DTNA: variants seen among roughly 807,000 people sequenced by gnomAD.
The protein encoded by DTNA is dystrobrevin alpha.
Under a neutral mutation model 100.7 loss-of-function variants are expected in DTNA, and 43 were observed. The ratio of observed to expected loss-of-function variants is 0.43; its 90% CI spans 0.33 to 0.55. The LOEUF is 0.55. DTNA is among the 20% of genes least tolerant of loss of function. DTNA has a pLI of 0.04. For missense variants in DTNA, 798 were observed against 953.9 expected (o/e 0.84, Z 2.15); for synonymous variants, 349 against 347.9 (o/e 1.00, Z -0.04).
chr18:34,775,740 T>C (rs1196876232), intron 3 of DTNA, among the ~76,000 whole-genome samples: 1 of 152,208 alleles, frequency 6.6e-6, no homozygotes, highest in Non-Finnish European at 1.5e-5. Flanking sequence ...GTATTTTTTT[T>C]CCTCAGAGCT....
chr18:34,752,250 G>T (rs1488675497), intron 1 of DTNA, among the ~76,000 whole-genome samples: 1 of 152,162 alleles, frequency 6.6e-6, no homozygotes, highest in Admixed American at 6.5e-5. Context: ...AGCTGTTGTT[G>T]TACTGAAATT....
At chr18:34,870,110 C>T (rs1247524516) in intron 17 of DTNA, among the ~76,000 whole-genome samples, 2 of 152,164 alleles carry the variant, frequency 1.3e-5, no homozygotes, top group African/African-American at 4.8e-5. Flanking sequence ...TTTTAAACTA[C>T]ATTTTAAACT....
intron 14 of DTNA, among the ~76,000 whole-genome samples, chr18:34,850,784 CAAAT>C (rs1479722172): frequency 6.6e-6 from 1 of 151,958 alleles, no homozygotes; most frequent in Non-Finnish European, 1.5e-5. Context: ...AAAACAACAC[CAAAT>C]AAATCCTTGA....
At position 34,812,004 on chromosome 18, in the gene DTNA, G is replaced by C; in HGVS notation, c.494G>C (p.Gly165Ala). 6.2e-7 allele frequency: 1 copy of C among 1,614,014 alleles called. No homozygotes were observed. The highest frequency in any genetic ancestry group is 8.5e-7 in the Non-Finnish European group (1 of 1,179,968). ...ISDSSGVMVYGRYDQFLREVL... is the reference protein window; with the variant it reads ...ISDSSGVMVYARYDQFLREVL... Reference sequence around the variant, plus strand: ...GACTCCAGTGGGGTGATGGTTTATGGACGATATGACCAATTCCTTCGGGAA... The same window carrying C: ...GACTCCAGTGGGGTGATGGTTTATGCACGATATGACCAATTCCTTCGGGAA... The change falls in exon 6 of 23, where the codon GGA (glycine) becomes GCA (alanine). Residue 165 changes from glycine to alanine, a missense_variant. By Grantham distance (60) the Gly-to-Ala change is moderately conservative (BLOSUM62 0). This residue lies in a region of DTNA where 197 missense variants were observed against 215.4 expected (regional missense o/e 0.91). Transcript: ENST00000444659.
intron 1 of DTNA, among the ~76,000 whole-genome samples, chr18:34,618,463 A>G (rs1173478593): frequency 6.6e-6 from 1 of 152,148 alleles, no homozygotes; most frequent in Non-Finnish European, 1.5e-5. Context: ...AGATCAAGCA[A>G]ATGGAAGCAT....
At chr18:34,553,807 G>T (rs575685472) in intron 1 of DTNA, among the ~76,000 whole-genome samples, 3 of 152,204 alleles carry the variant, frequency 2.0e-5, no homozygotes, top group Non-Finnish European at 4.4e-5. Context: ...AAGTCAGATA[G>T]TGTGATGCCT....
At chr18:34,662,035 C>T (rs996653760) in intron 1 of DTNA, among the ~76,000 whole-genome samples, 4 of 152,002 alleles carry the variant, frequency 2.6e-5, no homozygotes, top group Non-Finnish European at 1.5e-5. Flanking sequence ...TTCATTTCAA[C>T]TCCATCACTA....
chr18:34,524,923 G>A (rs2042472630), intron 1 of DTNA, among the ~76,000 whole-genome samples: 1 of 152,078 alleles, frequency 6.6e-6, no homozygotes, highest in African/African-American at 2.4e-5. Context: ...TACTGGAGCT[G>A]TATATAAAAG....
chr18:34,770,206 A>G (rs1040096709), intron 3 of DTNA, among the ~76,000 whole-genome samples: 33 of 152,242 alleles, frequency 2.2e-4, no homozygotes, highest in African/African-American at 7.5e-4. Context: ...TACTTCGTAG[A>G]AATCAGTGGA....
chr18:34,762,360 A>G (rs549660253), intron 2 of DTNA, among the ~76,000 whole-genome samples: 2 of 152,286 alleles, frequency 1.3e-5, no homozygotes, highest in Admixed American at 1.3e-4. Context: ...TGTCATGACC[A>G]TGTCTAAAGC....
intron 3 of DTNA, among the ~76,000 whole-genome samples, chr18:34,779,785 G>A (rs1181501322): frequency 1.3e-5 from 2 of 152,134 alleles, no homozygotes; most frequent in African/African-American, 4.8e-5. Context: ...TTTAACTGGG[G>A]CAGCATAAGA....
chr18:34,682,686 A>AT (rs779234087), intron 1 of DTNA, among the ~76,000 whole-genome samples: 4 of 152,044 alleles, frequency 2.6e-5, no homozygotes, highest in Non-Finnish European at 5.9e-5. Context: ...TCTTTGGCCC[A>AT]TTTTTTAATT....
intron 1 of DTNA, among the ~76,000 whole-genome samples, chr18:34,718,225 A>T (rs1219823049): frequency 6.6e-6 from 1 of 152,182 alleles, no homozygotes; most frequent in African/African-American, 2.4e-5. Flanking sequence ...TACATCATGT[A>T]TGTAGTTGAA....
At chr18:34,767,631 G>A (rs775009054) in intron 3 of DTNA, 1 of 152,178 alleles carries the variant, frequency 6.6e-6, no homozygotes, top group Non-Finnish European at 1.5e-5. Context: ...TCTCAAGATG[G>A]TGCAGGGCAC....
In DTNA at chr18:34,765,949, T is replaced by C. The variant is rs765676866; in HGVS notation, c.68-12T>C. 1.2e-6 allele frequency: 2 copies of C among 1,613,618 alleles called. No individual in the cohort carries two copies. Among genetic ancestry groups the C allele is most frequent in the Non-Finnish European group, 1.7e-6 (2 of 1,179,648 alleles). On this transcript the variant is annotated splice_polypyrimidine_tract_variant and intron_variant, in intron 2 of 22. Coordinates refer to ENST00000444659, the MANE Select transcript of DTNA (RefSeq NM_001386795.1). ...CATGGCATACCTTATGTGTCCTTTT[T>C]CCCCGCACTAGGGGCTCAAGATCTG...
At chr18:34,828,979 T>C in intron 10 of DTNA, 2 of 1,579,532 alleles carry the variant, frequency 1.3e-6, no homozygotes, top group Admixed American at 1.7e-5. Flanking sequence ...AGCTCTGCAT[T>C]CTGCAAATAT....
intron 1 of DTNA, among the ~76,000 whole-genome samples, chr18:34,607,486 A>G (rs972777387): frequency 2.0e-5 from 3 of 152,212 alleles, no homozygotes; most frequent in Admixed American, 1.3e-4. Flanking sequence ...TTGATTCTGT[A>G]GAAATCTAAT....
chr18:34,540,968 C>A (rs1373645571), intron 1 of DTNA, among the ~76,000 whole-genome samples: 1 of 151,930 alleles, frequency 6.6e-6, no homozygotes, highest in Non-Finnish European at 1.5e-5. Flanking sequence ...TATAATTGAC[C>A]TAAGGACCTG....
chr18:34,686,860 G>C (rs1185937582), intron 1 of DTNA, among the ~76,000 whole-genome samples: 2 of 151,916 alleles, frequency 1.3e-5, no homozygotes, highest in African/African-American at 2.4e-5. Context: ...CAACTTCTTG[G>C]TTTAGTCTCG....
Sources: allele counts gnomAD v4.1 joint callset (sites outside exome capture counted in the v4.1 genomes callset), GRCh38; gene constraint gnomAD v4.1.1; regional missense constraint gnomAD v4.1.1; transcripts MANE v1.5; gene names NCBI Gene and HGNC (gene_info 2026-07-23, HGNC 2026-07-21).